Variants in GPR176 observed in about 807,000 individuals in gnomAD.
The protein encoded by GPR176 is G protein-coupled receptor 176.
Under a neutral mutation model 35.4 loss-of-function variants are expected in GPR176, and 26 were observed. That is an observed-to-expected ratio of 0.74 (90% CI 0.54 to 1.02). GPR176 has a LOEUF of 1.02. GPR176 is among the 50% of genes least tolerant of loss of function. GPR176 has a pLI of 0.00. For missense variants in GPR176, 597 were observed against 665.3 expected (o/e 0.90, Z 1.13); for synonymous variants, 278 against 271.3 (o/e 1.02, Z -0.24).
In GPR176 at chr15:39,842,735, G is replaced by T. The variant is rs572158901; in HGVS notation, c.173-35477C>A. Among the ~76,000 whole-genome samples, 5 of 152,144 alleles carry T rather than the reference G, an allele frequency of 3.3e-5. No homozygotes were observed. In the South Asian group the frequency reaches 1.0e-3, roughly 32 times the overall value. ...CTGATCTTAGACTTCCGTGCCTCTA[G>T]AACTATGAGAAATAAATTTCTGTTG... On this transcript the variant is annotated intron_variant, in intron 1 of 2. Coordinates refer to ENST00000561100, the MANE Select transcript of GPR176 (RefSeq NM_007223.3).
At chr15:39,811,687 C>A (rs530459021) in intron 1 of GPR176, among the ~76,000 whole-genome samples, 7 of 152,040 alleles carry the variant, frequency 4.6e-5, no homozygotes, top group African/African-American at 1.4e-4. Flanking sequence ...GAGGCCAAGG[C>A]GGGCAGATCA....
intron 1 of GPR176, among the ~76,000 whole-genome samples, chr15:39,851,560 G>A (rs1007812232): frequency 4.6e-5 from 7 of 152,122 alleles, no homozygotes; most frequent in Non-Finnish European, 2.9e-5. Context: ...TTTGCCCTGA[G>A]ACACATGATG....
chr15:39,858,002 GA>G, intron 1 of GPR176, among the ~76,000 whole-genome samples: 1 of 149,692 alleles, frequency 6.7e-6, no homozygotes, highest in African/African-American at 2.4e-5. Context: ...AAAGAAAAAA[GA>G]AAAAAAAGGA....
intron 1 of GPR176, among the ~76,000 whole-genome samples, chr15:39,908,777 A>G (rs960504306): frequency 2.6e-5 from 4 of 152,150 alleles, no homozygotes; most frequent in African/African-American, 9.7e-5. Context: ...GTGGAAAAAG[A>G]TGGCGCCTTT....
At chr15:39,861,730 T>C (rs2031600493) in intron 1 of GPR176, among the ~76,000 whole-genome samples, 1 of 152,162 alleles carries the variant, frequency 6.6e-6, no homozygotes, top group African/African-American at 2.4e-5. Flanking sequence ...TCAGTTCACA[T>C]CAGAGAGACA....
intron 1 of GPR176, chr15:39,894,341 G>C (rs1276997181): frequency 8.1e-6 from 1 of 124,214 alleles, no homozygotes; most frequent in East Asian, 2.1e-4. Flanking sequence ...CGGACGGGGC[G>C]GCTAGCCTGG....
chr15:39,863,762 A>G (rs2031709591), intron 1 of GPR176, among the ~76,000 whole-genome samples: 4 of 152,216 alleles, frequency 2.6e-5, no homozygotes, highest in Admixed American at 2.6e-4. Context: ...TTTTTATGTT[A>G]GATACACAAA....
intron 1 of GPR176, among the ~76,000 whole-genome samples, chr15:39,846,172 A>C (rs1267043441): frequency 6.6e-6 from 1 of 152,226 alleles, no homozygotes; most frequent in African/African-American, 2.4e-5. Flanking sequence ...TGGGCATTAT[A>C]TACAACAAAC....
Position 39,801,468 on chromosome 15 carries a change from C to T in GPR176, c.1212G>A (p.Glu404=), listed in dbSNP as rs1424748915. 6.2e-7 allele frequency: 1 copy of T among 1,614,054 alleles called. No individual in the cohort carries two copies. Among genetic ancestry groups the T allele is most frequent in the African/African-American group, 1.3e-5 (1 of 74,936 alleles). Residue 404 remains glutamate, a synonymous_variant, in exon 3 of 3, where the codon GAG becomes GAA. Transcript: ENST00000561100. ...YIGSADFQAK[E]IFSTCLEGEQ... ...CTCCCTCCAGGCAGGTGCTAAATATCTCCTTGGCCTGGAAGTCAGCTGAGC... is the reference window on the plus strand; with the variant it reads ...CTCCCTCCAGGCAGGTGCTAAATATTTCCTTGGCCTGGAAGTCAGCTGAGC...
rs1229773923 is a variant in GPR176 at position 39,859,950 on chromosome 15, A to C, written c.173-52692T>G. Among the ~76,000 whole-genome samples the C allele has an allele frequency of 5.3e-5, 8 of 151,402 alleles. No individual in the cohort carries two copies. The East Asian group carries it at 1.6e-3, about 29-fold the overall frequency. Reference sequence around the variant, plus strand: ...CTTAAAAATGGTTAAGATGGTAAATATGTGGCATGTGTTTTTTTTGCCACA... The same window carrying C: ...CTTAAAAATGGTTAAGATGGTAAATCTGTGGCATGTGTTTTTTTTGCCACA... On this transcript the variant is annotated intron_variant, in intron 1 of 2. Transcript: ENST00000561100.
At chr15:39,871,756 A>G (rs1382880349) in intron 1 of GPR176, among the ~76,000 whole-genome samples, 3 of 152,204 alleles carry the variant, frequency 2.0e-5, no homozygotes, top group Admixed American at 1.3e-4. Context: ...CAGGTGACCA[A>G]TGACTGATGG....
intron 1 of GPR176, among the ~76,000 whole-genome samples, chr15:39,857,877 A>G (rs979582858): frequency 1.3e-5 from 2 of 150,468 alleles, no homozygotes; most frequent in African/African-American, 4.9e-5. Context: ...AGGCTGAGGC[A>G]GGAGAATGGC....
At chr15:39,837,991 A>T (rs1358868849) in intron 1 of GPR176, among the ~76,000 whole-genome samples, 1 of 99,538 alleles carries the variant, frequency 1.0e-5, no homozygotes, top group African/African-American at 4.4e-5. Context: ...AACTCCATTA[A>T]TTAAAAAAAA....
chr15:39,827,274 G>C (rs1900728628), intron 1 of GPR176, among the ~76,000 whole-genome samples: 1 of 152,146 alleles, frequency 6.6e-6, no homozygotes, highest in Non-Finnish European at 1.5e-5. Flanking sequence ...TGATCTAAGG[G>C]TGGAGTTTTC....
At chr15:39,883,782 A>G (rs193191031) in intron 1 of GPR176, among the ~76,000 whole-genome samples, 9 of 152,328 alleles carry the variant, frequency 5.9e-5, no homozygotes, top group African/African-American at 2.2e-4. Flanking sequence ...TCTTGCCATA[A>G]GCAAATGGGA....
chr15:39,880,081 C>T (rs1168346951), intron 1 of GPR176, among the ~76,000 whole-genome samples: 1 of 152,244 alleles, frequency 6.6e-6, no homozygotes, highest in Non-Finnish European at 1.5e-5. Flanking sequence ...CTTCTCAAGA[C>T]TCAGAACTTC....
chr15:39,844,247 C>A (rs1057153902), intron 1 of GPR176, among the ~76,000 whole-genome samples: 1 of 152,086 alleles, frequency 6.6e-6, no homozygotes, highest in African/African-American at 2.4e-5. Context: ...AATATAGTTT[C>A]CTGGTCCCCA....
intron 1 of GPR176, among the ~76,000 whole-genome samples, chr15:39,845,355 T>TTATCTACTAGA (rs2030343862): frequency 6.6e-6 from 1 of 151,978 alleles, no homozygotes; most frequent in South Asian, 2.1e-4. Flanking sequence ...TAAACTCACT[T>TTATCTACTAGA]TATCTACTAG....
chr15:39,843,177 TGGC>T (rs1408961788), intron 1 of GPR176, among the ~76,000 whole-genome samples: 1 of 151,114 alleles, frequency 6.6e-6, no homozygotes, highest in East Asian at 1.9e-4. Flanking sequence ...GAAATAAGAG[TGGC>T]TGTCATGTGG....
Sources: gnomAD v4.1 joint callset for allele counts (sites outside exome capture counted in the v4.1 genomes callset) on GRCh38, gnomAD v4.1.1 for gene constraint, MANE v1.5 for transcripts, NCBI Gene and HGNC (gene_info 2026-07-23, HGNC 2026-07-21) for gene names.